Variants in PEF1 observed in about 807,000 individuals in gnomAD.
PEF1 encodes penta-EF-hand domain containing 1, also known as peflin.
A neutral mutation model predicts 32.0 loss-of-function variants in PEF1; 17 were observed. The ratio of observed to expected loss-of-function variants is 0.53; its 90% CI spans 0.36 to 0.80. The LOEUF (loss-of-function observed/expected upper bound fraction) is 0.80, where lower values mean the gene tolerates loss of function less well. Among genes scored for constraint, PEF1 ranks in the 30% least tolerant of loss-of-function variants. PEF1 has a pLI of 0.00. For missense variants in PEF1, 362 were observed against 369.1 expected (o/e 0.98, Z 0.16); for synonymous variants, 130 against 139.8 (o/e 0.93, Z 0.50).
At chr1:31,644,460 G>C in intron 1 of PEF1, 1 of 1,142,944 alleles carries the variant, frequency 8.7e-7, no homozygotes. Context: ...ATTTTTATCC[G>C]ACGCCCCAAA....
At chr1:31,639,440 T>C (rs990636794) in intron 1 of PEF1, among the ~76,000 whole-genome samples, 4 of 152,262 alleles carry the variant, frequency 2.6e-5, no homozygotes, top group African/African-American at 9.6e-5. Context: ...GCACAGTGCC[T>C]GGCACCTGCA....
intron 3 of PEF1, 25 bp downstream of exon 3, chr1:31,633,134 G>C (rs1214549944): frequency 1.9e-6 from 3 of 1,603,382 alleles, no homozygotes; most frequent in Non-Finnish European, 2.6e-6. Flanking sequence ...CCCAGCTCAG[G>C]CCCAAGGGCA....
At chr1:31,635,183 C>A in intron 2 of PEF1, 39 bp downstream of exon 2, 2 of 1,603,282 alleles carry the variant, frequency 1.2e-6, no homozygotes, top group Non-Finnish European at 8.5e-7. Flanking sequence ...TAACTCAGAA[C>A]CACGTCAGAG....
At chr1:31,642,008 G>A (rs1640402208) in intron 1 of PEF1, among the ~76,000 whole-genome samples, 1 of 152,190 alleles carries the variant, frequency 6.6e-6, no homozygotes, top group Non-Finnish European at 1.5e-5. Context: ...GAGGCAGGTG[G>A]ATCACCTGAG....
chr1:31,644,752 C>T (rs1640507135), intron 1 of PEF1, 89 bp downstream of exon 1: 8 of 1,605,512 alleles, frequency 5.0e-6, no homozygotes, highest in Admixed American at 3.4e-5. Context: ...GGGAAGGGCG[C>T]GGAGAAAGCG....
intron 1 of PEF1, among the ~76,000 whole-genome samples, chr1:31,641,788 C>G (rs988842988): frequency 5.3e-5 from 8 of 152,258 alleles, no homozygotes; most frequent in Non-Finnish European, 2.9e-5. Context: ...GAATACTTAT[C>G]ACATTGCCTC....
intron 1 of PEF1, among the ~76,000 whole-genome samples, chr1:31,637,332 C>T (rs1366978998): frequency 6.6e-6 from 1 of 152,200 alleles, no homozygotes; most frequent in East Asian, 1.9e-4. Context: ...CTCTCTGAGC[C>T]TGCTTCCTCA....
At chr1:31,642,485 A>G (rs1256715681) in intron 1 of PEF1, among the ~76,000 whole-genome samples, 3 of 152,186 alleles carry the variant, frequency 2.0e-5, no homozygotes, top group Non-Finnish European at 2.9e-5. Context: ...GTGGAAAATT[A>G]CAGGAATTCT....
In PEF1 at chr1:31,630,678, C is replaced by T. The variant is rs749213335; in HGVS notation, c.790G>A (p.Val264Ile). The stretch of plus-strand genomic sequence containing the variant: ...AAGCTGAGCCGAATGTTGCCTTGTA[C>T]AGCTGTGTCCTTCTCCCGGAAGGCC... ...TEAFREKDTA[V>I]QGNIRLSFED... is the part of the protein sequence containing the mutation. Residue 264 changes from valine to isoleucine, a missense_variant, in exon 5 of 5, where the codon GTA becomes ATA. Physicochemically the swap from Val to Ile is conservative, Grantham distance 29. Transcript: ENST00000373703. 8.7e-6 allele frequency: 14 copies of T among 1,613,794 alleles called. No homozygotes were observed. The highest frequency in any genetic ancestry group is 2.2e-5 in the South Asian group (2 of 91,070).
At chr1:31,642,434 C>A (rs1350260002) in intron 1 of PEF1, among the ~76,000 whole-genome samples, 2 of 152,064 alleles carry the variant, frequency 1.3e-5, no homozygotes, top group Non-Finnish European at 2.9e-5. Context: ...TTTTACTACT[C>A]CAATACCCAG....
intron 1 of PEF1, among the ~76,000 whole-genome samples, chr1:31,638,019 C>T (rs556404671): frequency 4.6e-5 from 7 of 152,310 alleles, no homozygotes; most frequent in Admixed American, 4.6e-4. Context: ...TCACAGTTAA[C>T]AAGACTTAAC....
At position 31,635,143 on chromosome 1, in the gene PEF1, C is replaced by T. The variant is rs1338722087; in HGVS notation, c.325+79G>A. 1.9e-5 allele frequency: 30 copies of T among 1,547,524 alleles called. No homozygotes were observed. In the East Asian group the frequency reaches 6.5e-4, roughly 34 times the overall value. On this transcript the variant is annotated intron_variant, in intron 2 of 4. Coordinates refer to ENST00000373703, the MANE Select transcript of PEF1 (RefSeq NM_012392.4). Reference sequence around the variant, plus strand: ...TGCCAGAGACCAGGCTGCCTGCACACCCACAGGAAGGACAAAGGCTGGCCA... The same window carrying T: ...TGCCAGAGACCAGGCTGCCTGCACATCCACAGGAAGGACAAAGGCTGGCCA...
intron 1 of PEF1, chr1:31,644,627 G>C (rs1570290193): frequency 6.9e-7 from 1 of 1,445,500 alleles, no homozygotes. Context: ...GCGACGTCAA[G>C]GGGGCGCGAC....
chr1:31,643,466 C>G (rs1013564771), intron 1 of PEF1, among the ~76,000 whole-genome samples: 1 of 152,210 alleles, frequency 6.6e-6, no homozygotes, highest in Non-Finnish European at 1.5e-5. Context: ...CCAGCCCGCA[C>G]TGGCCTCTCT....
intron 2 of PEF1, among the ~76,000 whole-genome samples, chr1:31,634,136 A>G (rs1463468296): frequency 4.6e-5 from 7 of 152,192 alleles, no homozygotes; most frequent in Non-Finnish European, 8.8e-5. Flanking sequence ...AGAGGGAAAA[A>G]GGTATGCCTG....
intron 1 of PEF1, chr1:31,644,241 G>C (rs896815445): frequency 2.6e-5 from 8 of 309,482 alleles, no homozygotes; most frequent in Non-Finnish European, 3.3e-5. Context: ...AGAGGCATCT[G>C]AAGATAGCCC....
chr1:31,634,098 C>T (rs1640192448), intron 2 of PEF1, among the ~76,000 whole-genome samples: 1 of 152,224 alleles, frequency 6.6e-6, no homozygotes. Flanking sequence ...ACAGAAACCA[C>T]TGCCTAGTAC....
At chr1:31,634,116 C>T (rs1294222224) in intron 2 of PEF1, among the ~76,000 whole-genome samples, 2 of 152,174 alleles carry the variant, frequency 1.3e-5, no homozygotes, top group African/African-American at 4.8e-5. Flanking sequence ...TACCAAAGCC[C>T]AGTAAGGACA....
At chr1:31,634,181 C>T (rs1428934662) in intron 2 of PEF1, among the ~76,000 whole-genome samples, 2 of 152,126 alleles carry the variant, frequency 1.3e-5, no homozygotes, top group Non-Finnish European at 2.9e-5. Context: ...TGGAAAAATC[C>T]GGGCAGGTTC....
Sources: gnomAD v4.1 joint callset for allele counts (sites outside exome capture counted in the v4.1 genomes callset) on GRCh38, gnomAD v4.1.1 for gene constraint, MANE v1.5 for transcripts, NCBI Gene and HGNC (gene_info 2026-07-23, HGNC 2026-07-21) for gene names.